TMEM106A: variants seen among roughly 807,000 people sequenced by gnomAD.
TMEM106A encodes transmembrane protein 106A.
TMEM106A carries 22 observed loss-of-function variants against 25.1 expected under a neutral mutation model. That is an observed-to-expected ratio of 0.88 (90% confidence interval 0.63 to 1.25). TMEM106A has a LOEUF of 1.25. TMEM106A is among the 50% of genes most tolerant of loss of function. The pLI, the probability that TMEM106A is intolerant of heterozygous loss-of-function variation, is 0.00. For synonymous variants in TMEM106A, 104 were observed against 129.9 expected, an observed-to-expected ratio of 0.80 and a Z score of 1.35; for missense variants, 275 against 318.1, an observed-to-expected ratio of 0.86 and a Z score of 1.03.
intron 7 of TMEM106A, 25 bp from the exon 8 acceptor site, chr17:43,217,234 C>T (rs748462372): frequency 1.2e-6 from 2 of 1,614,026 alleles, no homozygotes; most frequent in South Asian, 2.2e-5. Context: ...CACGTGGTCC[C>T]ACGTTCTCTT....
At chr17:43,213,361 C>T (rs1350363204) in intron 3 of TMEM106A, 109 bp downstream of exon 3, 5 of 1,154,014 alleles carry the variant, frequency 4.3e-6, no homozygotes, top group Non-Finnish European at 6.3e-6. Context: ...GATCTGCTCC[C>T]AGCTCTTGAC....
chr17:43,216,025 G>A, intron 5 of TMEM106A, 84 bp downstream of exon 5: 1 of 1,541,476 alleles, frequency 6.5e-7, no homozygotes, highest in Non-Finnish European at 8.8e-7. Flanking sequence ...CCCTGGGCAT[G>A]GGAAGCCAGA....
Position 43,217,597 on chromosome 17 carries a change from C to A in TMEM106A, c.669-84C>A, listed in dbSNP as rs375439542. On this transcript the variant is annotated intron_variant, in intron 8 of 8. Transcript: ENST00000612339. ...GGGAAGGGCAAATGAGGGAGCTCCC[C>A]GCTCCCCACCCCCAGACAGTATAAT... 12 of 1,555,972 alleles carry A rather than the reference C, an allele frequency of 7.7e-6. No homozygotes were observed. The African/African-American group carries it at 1.5e-4, about 19-fold the overall frequency.
chr17:43,212,632 C>T (rs2057444168), intron 2 of TMEM106A, among the ~76,000 whole-genome samples: 3 of 152,188 alleles, frequency 2.0e-5, no homozygotes, highest in African/African-American at 7.2e-5. Flanking sequence ...CTGGCCTCCT[C>T]TCTCCTTGAT....
In TMEM106A at chr17:43,217,680, G is replaced by C. The variant is rs781252408; in HGVS notation, c.669-1G>C. ...GGCAACAAGGCCTGCTTCCTCTCCA[G>C]GGGCACCCTGACCTGTTCATACCTG... On this transcript the variant is annotated splice_acceptor_variant, in intron 8 of 8. Transcript: ENST00000612339. LOFTEE classifies it high-confidence loss of function. 1.9e-6 allele frequency: 3 copies of C among 1,613,938 alleles called. No individual in the cohort carries two copies. The African/African-American group carries it at 4.0e-5, about 22-fold the overall frequency.
At chr17:43,215,962 C>T (rs1209538322) in intron 5 of TMEM106A, 21 bp downstream of exon 5, 2 of 1,613,400 alleles carry the variant, frequency 1.2e-6, no homozygotes, top group Non-Finnish European at 8.5e-7. Flanking sequence ...GCCCTTGGCT[C>T]CAAACCCCCC....
chr17:43,215,631 C>T (rs761574701), intron 4 of TMEM106A, among the ~76,000 whole-genome samples, 157 bp from the exon 5 acceptor site: 3 of 152,148 alleles, frequency 2.0e-5, no homozygotes, highest in African/African-American at 2.4e-5. Flanking sequence ...TCCTGTGCTC[C>T]TACTCATTCC....
chr17:43,216,322 A>T, intron 5 of TMEM106A, 127 bp from the exon 6 acceptor site: 1 of 1,323,022 alleles, frequency 7.6e-7, no homozygotes, highest in South Asian at 1.3e-5. Context: ...CCCAGTTTTC[A>T]TCCTCTGCAC....
rs969898260 is a variant in TMEM106A at position 43,217,733 on chromosome 17, A to G, written c.721A>G (p.Ser241Gly). The G allele has an allele frequency of 6.2e-7, 1 of 1,613,984 alleles. No individual in the cohort carries two copies. Among genetic ancestry groups the G allele is most frequent in the Non-Finnish European group, 8.5e-7 (1 of 1,180,028 alleles). ...CCATTCAGAGCAGCTGGTCTTTCAG[A>G]GCTATGAATATGTGGACTGCCGAGG... is the stretch of plus-strand genomic sequence containing the variant. ...LSHSEQLVFQ[S>G]YEYVDCRGNA... Residue 241 changes from serine (S) to glycine (G), a missense_variant, in exon 9 of 9, where the codon AGC (serine) becomes GGC (glycine). Transcript: ENST00000612339.
chr17:43,217,567 C>T, intron 8 of TMEM106A, 114 bp from the exon 9 acceptor site: 1 of 1,527,442 alleles, frequency 6.5e-7, no homozygotes. Context: ...GAGTGGGGAG[C>T]CAGAGGGAAG....
In TMEM106A at chr17:43,216,378, T is replaced by G; in HGVS notation, c.430-71T>G. 1.9e-6 allele frequency: 3 copies of G among 1,588,396 alleles called. No homozygotes were observed. In the South Asian group the frequency reaches 3.3e-5, roughly 18 times the overall value. ...TGGGGCTCAGGCCAGACAGCCAGGC[T>G]TTTGCAACTGTTTGGCTTTTCCTAA... is the stretch of plus-strand genomic sequence containing the variant. On this transcript the variant is annotated intron_variant, in intron 5 of 8. Coordinates refer to ENST00000612339, the MANE Select transcript of TMEM106A (RefSeq NM_145041.4).
intron 5 of TMEM106A, 79 bp from the exon 6 acceptor site, chr17:43,216,370 A>G (rs2057485872): frequency 6.4e-7 from 1 of 1,574,586 alleles, no homozygotes; most frequent in Non-Finnish European, 8.7e-7. Context: ...CAGGCCAGAC[A>G]GCCAGGCTTT....
At chr17:43,214,055 T>C in intron 4 of TMEM106A, 164 bp downstream of exon 4, 1 of 700,074 alleles carries the variant, frequency 1.4e-6, no homozygotes. Flanking sequence ...TTTTTCCTGA[T>C]TTAGAAGCTC....
chr17:43,213,722 A>G (rs2057458284), intron 3 of TMEM106A, 106 bp from the exon 4 acceptor site: 2 of 1,130,216 alleles, frequency 1.8e-6, no homozygotes, highest in Non-Finnish European at 2.6e-6. Flanking sequence ...GCATGTTTCT[A>G]ACATTGCTCT....
chr17:43,217,684 C>CAT lies in TMEM106A; in HGVS notation c.673_674insTA (p.Thr225IlefsTer3). ...ACAAGGCCTGCTTCCTCTCCAGGGG[C>CAT]ACCCTGACCTGTTCATACCTGAGCC... On this transcript the variant is annotated frameshift_variant, in exon 9 of 9. Transcript: ENST00000612339. LOFTEE classifies it high-confidence loss of function. 5 of 1,614,132 alleles carry CAT rather than the reference C, an allele frequency of 3.1e-6. No homozygotes were observed. The highest frequency in any genetic ancestry group is 4.2e-6 in the Non-Finnish European group (5 of 1,179,996).
intron 4 of TMEM106A, 63 bp downstream of exon 4, chr17:43,213,954 T>C: frequency 6.5e-7 from 1 of 1,546,078 alleles, no homozygotes. Context: ...TCCCTTTGTC[T>C]CCCCTGTTTT....
rs2057440700 is a variant in TMEM106A at position 43,212,395 on chromosome 17, G to C, written c.-22+1G>C. 6.6e-6 allele frequency: 1 copy of C among 152,398 alleles called. No homozygotes were observed. The highest frequency in any genetic ancestry group is 2.1e-4 in the South Asian group (1 of 4,840). The allele number at this position is 152,398 out of a possible 1,614,324, so 9.4% of individuals were successfully genotyped here. A position where few individuals can be genotyped will look rare whatever the true frequency, so the allele number is the denominator to read the frequency against. Reference sequence around the variant, plus strand: ...GCCTGGGATCCCAGACCTGAACAAGGTGAGCATCCCTATATTTTAGCCCAG... The same window carrying C: ...GCCTGGGATCCCAGACCTGAACAAGCTGAGCATCCCTATATTTTAGCCCAG... On this transcript the variant is annotated splice_donor_variant, in intron 2 of 8. Transcript: ENST00000612339. LOFTEE classifies it low-confidence loss of function (5UTR_SPLICE).
chr17:43,214,718 G>A (rs2057468351), intron 4 of TMEM106A, among the ~76,000 whole-genome samples: 1 of 151,932 alleles, frequency 6.6e-6, no homozygotes, highest in Non-Finnish European at 1.5e-5. Context: ...CAGCACTTTG[G>A]GGAGGCCAAG....
Position 43,215,707 on chromosome 17 carries a change from G to A in TMEM106A, c.276-81G>A. On this transcript the variant is annotated intron_variant, in intron 4 of 8. Transcript: ENST00000612339. The stretch of plus-strand genomic sequence containing the variant: ...CAGGGGAAAGCTTTGTATATGGAGA[G>A]GAGTGTCTGAACCCCCTCTCCGAGT... 6 of 1,483,000 alleles carry A rather than the reference G, an allele frequency of 4.0e-6. 1 individual carries two copies. In the South Asian group the frequency reaches 7.1e-5, roughly 18 times the overall value. The allele number at this position is 1,483,000 out of a possible 1,614,324, so 91.9% of individuals were successfully genotyped here. A position where few individuals can be genotyped will look rare whatever the true frequency, so the allele number is the denominator to read the frequency against.
Sources: gnomAD v4.1 joint callset for allele counts (sites outside exome capture counted in the v4.1 genomes callset) on GRCh38, gnomAD v4.1.1 for gene constraint, MANE v1.5 for transcripts, NCBI Gene and HGNC (gene_info 2026-07-23, HGNC 2026-07-21) for gene names.